The following ABCA13 variants were observed in gnomAD, a reference collection of about 807,000 sequenced individuals.
ABCA13 encodes ATP-binding cassette sub-family A member 13.
In ABCA13, 476 loss-of-function variants were observed where a neutral mutation model predicts 478.7. The ratio of observed to expected loss-of-function variants is 0.99; its 90% CI spans 0.92 to 1.07. The LOEUF is 1.07. ABCA13 is among the 50% of genes least tolerant of loss of function. The pLI is 0.00. For missense variants in ABCA13, 6,060 were observed against 5,910.6 expected (o/e 1.03, Z -0.83); for synonymous variants, 2,252 against 2,158.9 (o/e 1.04, Z -1.20).
rs920128816 is a variant in ABCA13, at chr7:48,245,913, G to T, written c.1542G>T (p.Glu514Asp). Reference sequence around the variant, plus strand: ...CGAATGGTCGTTTCTCTGAGAAGGAGGTCTTTTTGCCGCCTGGAAACTCCA... The same window carrying T: ...CGAATGGTCGTTTCTCTGAGAAGGATGTCTTTTTGCCGCCTGGAAACTCCA... ...VCPNGRFSEK[E>D]VFLPPGNSSI... Residue 514 changes from glutamate (E) to aspartate (D), a missense_variant, in exon 13 of 62, where the codon GAG (glutamate) becomes GAT (aspartate). Physicochemically the swap from Glu to Asp is conservative, Grantham distance 45. Coordinates refer to ENST00000435803, the MANE Select transcript of ABCA13 (RefSeq NM_152701.5). 1 of 1,613,666 alleles carries T rather than the reference G, an allele frequency of 6.2e-7. No homozygotes were observed. Among genetic ancestry groups the T allele is most frequent in the Non-Finnish European group, 8.5e-7 (1 of 1,179,786 alleles).
intron 8 of ABCA13, among the ~76,000 whole-genome samples, chr7:48,236,573 A>T (rs1271408484): frequency 2.6e-5 from 4 of 152,162 alleles, no homozygotes; most frequent in Non-Finnish European, 4.4e-5. Flanking sequence ...TTTCTCAATC[A>T]TCAAAGCCAG....
intron 15 of ABCA13, among the ~76,000 whole-genome samples, chr7:48,258,827 T>A (rs894382333): frequency 3.9e-5 from 6 of 152,182 alleles, no homozygotes; most frequent in African/African-American, 1.4e-4. Flanking sequence ...CTCATTAGTT[T>A]TCTAAGAATT....
intron 51 of ABCA13, among the ~76,000 whole-genome samples, chr7:48,513,302 C>T (rs1165441724): frequency 6.6e-6 from 1 of 152,114 alleles, no homozygotes; most frequent in African/African-American, 2.4e-5. Flanking sequence ...ATAGTATACA[C>T]GAATTGATTC....
intron 49 of ABCA13, 50 bp from the exon 50 acceptor site, chr7:48,507,822 G>A: frequency 1.3e-6 from 2 of 1,519,576 alleles, no homozygotes; most frequent in Non-Finnish European, 1.8e-6. Flanking sequence ...TAGCAAAGAA[G>A]GCTTGTGTTC....
chr7:48,504,615 T>A (rs10499682), intron 48 of ABCA13, among the ~76,000 whole-genome samples: 17,765 of 152,162 alleles, frequency 0.12, 1,262 homozygotes, highest in Admixed American at 0.16. Context: ...TTCCAAGACA[T>A]GTACTCAGCT....
chr7:48,175,565 C>G (rs1278303892), intron 1 of ABCA13, among the ~76,000 whole-genome samples: 1 of 152,094 alleles, frequency 6.6e-6, no homozygotes, highest in African/African-American at 2.4e-5. Flanking sequence ...GGATTACAGG[C>G]GAGTGCCACC....
In ABCA13 at chr7:48,643,373, T is replaced by A. The variant is rs1795236914; in HGVS notation, c.14923T>A (p.Phe4975Ile). ...TGTTTCTGACCACTTGAAGCTTTAT[T>A]TTCCAGGAATTCAGTTCAAGGTAGT... ...CTVSDHLKLY[F>I]PGIQFKGQHL... The change falls in exon 60 of 62, where the codon TTT (phenylalanine) becomes ATT (isoleucine). Residue 4975 changes from phenylalanine to isoleucine, a missense_variant. By Grantham distance (21) the Phe-to-Ile change is conservative. Transcript: ENST00000435803. 6.2e-7 allele frequency: 1 copy of A among 1,613,514 alleles called. No individual in the cohort carries two copies. The highest frequency in any genetic ancestry group is 1.7e-5 in the Admixed American group (1 of 60,022).
intron 59 of ABCA13, among the ~76,000 whole-genome samples, chr7:48,633,266 T>G (rs1463125971): frequency 6.6e-6 from 1 of 152,050 alleles, no homozygotes; most frequent in Non-Finnish European, 1.5e-5. Flanking sequence ...GCACTCAAAT[T>G]CATAAAACAA....
intron 15 of ABCA13, among the ~76,000 whole-genome samples, chr7:48,254,122 T>C (rs1309947264): frequency 6.6e-6 from 1 of 152,144 alleles, no homozygotes; most frequent in African/African-American, 2.4e-5. Context: ...ATTTCAGTTA[T>C]ATGTTCTAGA....
intron 42 of ABCA13, among the ~76,000 whole-genome samples, chr7:48,450,972 CTT>C (rs11423408): frequency 0.17 from 23,140 of 139,650 alleles, 2,215 homozygotes; most frequent in East Asian, 0.23. Context: ...TTATTATATT[CTT>C]TTTTTTTTTT....
At chr7:48,588,435 C>T (rs946920541) in intron 57 of ABCA13, among the ~76,000 whole-genome samples, 2 of 152,196 alleles carry the variant, frequency 1.3e-5, no homozygotes, top group Non-Finnish European at 2.9e-5. Context: ...GGGGCCTCTG[C>T]TCTGTAGCCA....
rs1795475614 is a variant in ABCA13 at position 48,647,046 on chromosome 7, T to G, written c.*1534T>G. 1 of 152,206 alleles carries G rather than the reference T, an allele frequency of 6.6e-6. No individual in the cohort carries two copies. Among genetic ancestry groups the G allele is most frequent in the Non-Finnish European group, 1.5e-5 (1 of 68,028 alleles). 9.4% of individuals were successfully genotyped at this position (152,206 alleles called of 1,614,324 possible). ...GTTCAGACATTTCTCAACATTCTTT[T>G]AACAACATTTTTCTGAATCCTCAAT... On this transcript the variant is annotated 3_prime_UTR_variant, in exon 62 of 62. Coordinates refer to ENST00000435803, the MANE Select transcript of ABCA13 (RefSeq NM_152701.5).
At chr7:48,538,997 A>G (rs1174781438) in intron 55 of ABCA13, among the ~76,000 whole-genome samples, 1 of 152,160 alleles carries the variant, frequency 6.6e-6, no homozygotes. Flanking sequence ...GTTTCTTGCA[A>G]TTGCAGCTGG....
At chr7:48,610,163 C>A (rs571757172) in intron 58 of ABCA13, among the ~76,000 whole-genome samples, 4 of 152,098 alleles carry the variant, frequency 2.6e-5, no homozygotes, top group Non-Finnish European at 4.4e-5. Flanking sequence ...TAGTTACTTC[C>A]AAGATACAAT....
intron 59 of ABCA13, among the ~76,000 whole-genome samples, chr7:48,619,621 C>A (rs926255208): frequency 6.6e-6 from 1 of 152,146 alleles, no homozygotes; most frequent in Non-Finnish European, 1.5e-5. Context: ...GGTGACATCA[C>A]AAGGCCTAAC....
At chr7:48,516,972 G>T (rs1832170527) in intron 52 of ABCA13, 91 bp downstream of exon 52, 3 of 1,346,474 alleles carry the variant, frequency 2.2e-6, no homozygotes, top group Admixed American at 2.2e-5. Context: ...TTTTCTGACT[G>T]GAATTCAATG....
chr7:48,629,455 T>TACAC (rs1793960241), intron 59 of ABCA13, among the ~76,000 whole-genome samples: 1 of 152,042 alleles, frequency 6.6e-6, no homozygotes, highest in Admixed American at 6.6e-5. Flanking sequence ...TGTGTGAGTG[T>TACAC]GTATTTTTAA....
intron 42 of ABCA13, among the ~76,000 whole-genome samples, chr7:48,431,923 A>G (rs1479694273): frequency 3.3e-5 from 5 of 152,232 alleles, no homozygotes; most frequent in African/African-American, 1.2e-4. Flanking sequence ...GCTTCTACAT[A>G]GATGGCAGAG....
At chr7:48,461,494 A>C (rs1826238490) in intron 43 of ABCA13, among the ~76,000 whole-genome samples, 1 of 152,194 alleles carries the variant, frequency 6.6e-6, no homozygotes, top group African/African-American at 2.4e-5. Flanking sequence ...AAATAGCTGA[A>C]ACTATTTGCT....
Sources: allele counts gnomAD v4.1 joint callset (sites outside exome capture counted in the v4.1 genomes callset), GRCh38; gene constraint gnomAD v4.1.1; transcripts MANE v1.5; gene names NCBI Gene and HGNC (gene_info 2026-07-23, HGNC 2026-07-21).